Variants in SIPA1L1 observed in about 807,000 individuals in gnomAD.
SIPA1L1 encodes the protein signal-induced proliferation-associated 1-like protein 1.
SIPA1L1 carries 26 observed loss-of-function variants against 162.7 expected under a neutral mutation model. The observed-to-expected ratio is 0.16, with a 90% CI of 0.12 to 0.22. The LOEUF is 0.22. Ranked by LOEUF, SIPA1L1 falls within the 10% of genes least tolerant of loss-of-function variation. The probability of loss-of-function intolerance (pLI) is 1.00; values close to 1 mark genes in which losing one functional copy is unlikely to be tolerated. For missense variants in SIPA1L1, 1,874 were observed against 2,241.0 expected (o/e 0.84, Z 3.31); for synonymous variants, 829 against 837.4 (o/e 0.99, Z 0.17).
chr14:71,709,949 T>G (rs2082740929), intron 17 of SIPA1L1, among the ~76,000 whole-genome samples: 1 of 152,248 alleles, frequency 6.6e-6, no homozygotes, highest in South Asian at 2.1e-4. Flanking sequence ...GAGAGGAAAT[T>G]TGTAATTTTG....
chr14:71,683,801 C>G (rs555194592), intron 12 of SIPA1L1, among the ~76,000 whole-genome samples: 23 of 152,322 alleles, frequency 1.5e-4, no homozygotes, highest in African/African-American at 5.3e-4. Context: ...CAATGTTTTA[C>G]AGACTGCAGA....
intron 2 of SIPA1L1, among the ~76,000 whole-genome samples, chr14:71,335,407 G>A (rs1251157465): frequency 6.6e-6 from 1 of 152,226 alleles, no homozygotes; most frequent in African/African-American, 2.4e-5. Flanking sequence ...TGCTGTCCTC[G>A]TTTGATTATC....
chr14:71,611,457 C>T (rs1214123846), intron 5 of SIPA1L1, among the ~76,000 whole-genome samples: 2 of 146,652 alleles, frequency 1.4e-5, no homozygotes, highest in Non-Finnish European at 2.9e-5. Context: ...AGGTTTGTTA[C>T]ATAGGTGTAC....
At chr14:71,401,098 T>G (rs1429933590) in intron 2 of SIPA1L1, among the ~76,000 whole-genome samples, 1 of 152,188 alleles carries the variant, frequency 6.6e-6, no homozygotes, top group African/African-American at 2.4e-5. Context: ...AAAGTAAATT[T>G]GATTGCTTAT....
chr14:71,433,779 C>T (rs1195362395), intron 2 of SIPA1L1, among the ~76,000 whole-genome samples: 2 of 152,108 alleles, frequency 1.3e-5, no homozygotes, highest in African/African-American at 4.8e-5. Context: ...CCATGGAAAA[C>T]ATTCTTGAAA....
At chr14:71,605,387 G>C (rs568111653) in intron 5 of SIPA1L1, among the ~76,000 whole-genome samples, 98 of 151,970 alleles carry the variant, frequency 6.4e-4, no homozygotes, top group Middle Eastern at 3.4e-3. Context: ...CTTTTTGTTT[G>C]GGATCTGTTG....
At chr14:71,470,565 G>A (rs1297201039) in intron 2 of SIPA1L1, among the ~76,000 whole-genome samples, 2 of 152,142 alleles carry the variant, frequency 1.3e-5, no homozygotes, top group African/African-American at 4.8e-5. Context: ...AAGGGAGTGG[G>A]GACTTAGTGG....
intron 5 of SIPA1L1, among the ~76,000 whole-genome samples, chr14:71,616,739 A>G (rs1451018793): frequency 1.3e-5 from 2 of 152,214 alleles, no homozygotes; most frequent in Non-Finnish European, 2.9e-5. Flanking sequence ...AGGAGAAGGT[A>G]GATGAGGAGT....
intron 2 of SIPA1L1, among the ~76,000 whole-genome samples, chr14:71,420,829 G>T (rs962191837): frequency 6.6e-6 from 1 of 152,078 alleles, no homozygotes; most frequent in Non-Finnish European, 1.5e-5. Context: ...AAAAATAGCA[G>T]CAATGTCATC....
intron 17 of SIPA1L1, among the ~76,000 whole-genome samples, chr14:71,715,467 C>T (rs2083198919): frequency 6.6e-6 from 1 of 152,234 alleles, no homozygotes; most frequent in Admixed American, 6.5e-5. Flanking sequence ...AGATTCTACA[C>T]AATAGACAGC....
intron 16 of SIPA1L1, among the ~76,000 whole-genome samples, chr14:71,708,741 C>T (rs1566705699): frequency 6.6e-6 from 1 of 152,172 alleles, no homozygotes. Flanking sequence ...CACCTCAAAG[C>T]ATGTCTTAGA....
At chr14:71,462,747 G>GTAA (rs1043511976) in intron 2 of SIPA1L1, among the ~76,000 whole-genome samples, 3 of 152,136 alleles carry the variant, frequency 2.0e-5, no homozygotes, top group Non-Finnish European at 4.4e-5. Flanking sequence ...TGTCATCAAC[G>GTAA]TAATGGACCA....
At chr14:71,503,649 G>A (rs559082755) in intron 2 of SIPA1L1, among the ~76,000 whole-genome samples, 7 of 152,058 alleles carry the variant, frequency 4.6e-5, no homozygotes, top group Non-Finnish European at 8.8e-5. Flanking sequence ...CAAAAAAATC[G>A]TCACTGAAAT....
At chr14:71,530,814 A>G (rs1215953967) in intron 4 of SIPA1L1, among the ~76,000 whole-genome samples, 1 of 152,040 alleles carries the variant, frequency 6.6e-6, no homozygotes, top group Non-Finnish European at 1.5e-5. Flanking sequence ...GTATTGTATG[A>G]TTTTTGGATG....
At chr14:71,332,641 C>T (rs937137745) in intron 2 of SIPA1L1, among the ~76,000 whole-genome samples, 35 of 152,272 alleles carry the variant, frequency 2.3e-4, no homozygotes, top group African/African-American at 8.2e-4. Context: ...TACTCCCACA[C>T]CCACCCCAAA....
In SIPA1L1 at chr14:71,585,635, G is replaced by A. The variant is rs116967552; in HGVS notation, c.-302-1936G>A. Among the ~76,000 whole-genome samples the A allele has an allele frequency of 5.4e-4, 82 of 152,304 alleles. No individual in the cohort carries two copies. In the East Asian group the frequency reaches 0.015, roughly 29 times the overall value. The stretch of plus-strand genomic sequence containing the variant: ...CTAAGGCACATGAAATGTGGCAAGA[G>A]TTTTTATCATGGTGGGATTGGTGTG... On this transcript the variant is annotated intron_variant, in intron 4 of 23. Transcript: ENST00000381232.
chr14:71,633,835 G>T (rs1274742638), intron 7 of SIPA1L1, among the ~76,000 whole-genome samples: 1 of 152,176 alleles, frequency 6.6e-6, no homozygotes, highest in East Asian at 1.9e-4. Context: ...TTCACGGTTT[G>T]TGGGGCTATA....
At chr14:71,484,021 A>T (rs1028747965) in intron 2 of SIPA1L1, among the ~76,000 whole-genome samples, 6 of 152,172 alleles carry the variant, frequency 3.9e-5, no homozygotes, top group Non-Finnish European at 5.9e-5. Context: ...GAAGCTGTGG[A>T]TTCCTCAAAA....
chr14:71,658,644 G>A (rs2149212189), intron 9 of SIPA1L1, among the ~76,000 whole-genome samples: 1 of 152,320 alleles, frequency 6.6e-6, no homozygotes, highest in Middle Eastern at 3.4e-3. Flanking sequence ...CCAGCTGGAT[G>A]CCTTTGTGAA....
Sources: gnomAD v4.1 joint callset for allele counts (sites outside exome capture counted in the v4.1 genomes callset) on GRCh38, gnomAD v4.1.1 for gene constraint, MANE v1.5 for transcripts, NCBI Gene and HGNC (gene_info 2026-07-23, HGNC 2026-07-21) for gene names.